The following ZGPAT variants were observed in gnomAD, a reference collection of about 807,000 sequenced individuals.
ZGPAT encodes zinc finger CCCH-type with G patch domain-containing protein.
In ZGPAT, 39 loss-of-function variants were observed where a neutral mutation model predicts 47.9. That is an observed-to-expected ratio of 0.81 (90% CI 0.63 to 1.06). The LOEUF (loss-of-function observed/expected upper bound fraction) is 1.06, where lower values mean the gene tolerates loss of function less well. ZGPAT is among the 50% of genes least tolerant of loss of function. The pLI, the probability that ZGPAT is intolerant of heterozygous loss-of-function variation, is 0.00. For missense variants in ZGPAT, 717 were observed against 681.4 expected (o/e 1.05, Z -0.58); for synonymous variants, 348 against 292.9 (o/e 1.19, Z -1.92).
chr20:63,735,621 G>T, intron 6 of ZGPAT, 57 bp downstream of exon 6: 3 of 1,496,868 alleles, frequency 2.0e-6, no homozygotes, highest in Non-Finnish European at 2.7e-6. Context: ...CTGCCCCCGG[G>T]ATACATGCTG....
rs1173734420 is a variant in ZGPAT at position 63,717,332 on chromosome 20, C to CTTTTTTTTTTTTTTTTTTT, written c.584+8175_584+8193dup. ...TGATTTGAGATCTCTTTTTTCTTTT[C>CTTTTTTTTTTTTTTTTTTT]TTTTTTTTTTTTTTTTTTTTTTTTT... On this transcript the variant is annotated intron_variant, in intron 2 of 6. Transcript: ENST00000355969. 1.8e-4 allele frequency among the ~76,000 whole-genome samples: 11 copies of CTTTTTTTTTTTTTTTTTTT among 60,974 alleles called. 1 individual carries two copies. Among genetic ancestry groups the CTTTTTTTTTTTTTTTTTTT allele is most frequent in the African/African-American group, 4.1e-4 (6 of 14,696 alleles). The allele number at this position is 60,974 out of a possible 152,430, so 40.0% of individuals were successfully genotyped here.
At position 63,730,964 on chromosome 20, in the gene ZGPAT, CTCTCTCTG is replaced by C. The variant is rs1217625438; in HGVS notation, c.585-2253_585-2246del. On this transcript the variant is annotated intron_variant, in intron 2 of 6. Coordinates refer to ENST00000355969, the MANE Select transcript of ZGPAT (RefSeq NM_181485.3). ...TCTCTCTCTCTCTCTCTCTCTCTCT[CTCTCTCTG>C]TGTGTGTGTGTGTGTGTGTCTCGGT... Among the ~76,000 whole-genome samples, 8 of 87,638 alleles carry C rather than the reference CTCTCTCTG, an allele frequency of 9.1e-5. No homozygotes were observed. The East Asian group carries it at 9.3e-4, about 10-fold the overall frequency. 57.5% of individuals were successfully genotyped at this position (87,638 alleles called of 152,430 possible). A position where few individuals can be genotyped will look rare whatever the true frequency, so the allele number is the denominator to read the frequency against.
rs950655590 is a variant in ZGPAT, at chr20:63,715,196, C to T, written c.584+6032C>T. On this transcript the variant is annotated intron_variant, in intron 2 of 6. Coordinates refer to ENST00000355969, the MANE Select transcript of ZGPAT (RefSeq NM_181485.3). ...ATCCTCCTGCCTCAGCCTCCGAAAG[C>T]GCTGGGATTATAGGCATGAGCCACT... is the stretch of plus-strand genomic sequence containing the variant. Among the ~76,000 whole-genome samples the T allele has an allele frequency of 1.1e-4, 16 of 151,160 alleles. No individual in the cohort carries two copies. In the East Asian group the frequency reaches 1.2e-3, roughly 11 times the overall value.
At chr20:63,735,736 T>G (rs1601355954) in intron 6 of ZGPAT, 45 bp from the exon 7 acceptor site, 1 of 1,559,642 alleles carries the variant, frequency 6.4e-7, no homozygotes, top group Non-Finnish European at 8.7e-7. Context: ...CTGGGGTTGG[T>G]GGCATGGCCC....
At position 63,709,292 on chromosome 20, in the gene ZGPAT, C is replaced by T. The variant is rs914813086; in HGVS notation, c.584+128C>T. ...GCTTCCTGGGGCAGGCGTGCTTTGACAGCTGTGTCTGTGTTCAGGCGTCTA... is the reference window on the plus strand; with the variant it reads ...GCTTCCTGGGGCAGGCGTGCTTTGATAGCTGTGTCTGTGTTCAGGCGTCTA... On this transcript the variant is annotated intron_variant, in intron 2 of 6. Coordinates refer to ENST00000355969, the MANE Select transcript of ZGPAT (RefSeq NM_181485.3). 29 of 1,011,720 alleles carry T rather than the reference C, an allele frequency of 2.9e-5. No homozygotes were observed. In the African/African-American group the frequency reaches 3.8e-4, roughly 13 times the overall value. The allele number at this position is 1,011,720 out of a possible 1,614,324, so 62.7% of individuals were successfully genotyped here.
chr20:63,719,248 A>G (rs2091763589), intron 2 of ZGPAT, among the ~76,000 whole-genome samples: 1 of 151,886 alleles, frequency 6.6e-6, no homozygotes, highest in African/African-American at 2.4e-5. Flanking sequence ...TGGATCCCTC[A>G]ATTTATAAGC....
chr20:63,710,733 TAAA>T (rs1438431726), intron 2 of ZGPAT, among the ~76,000 whole-genome samples: 2 of 152,190 alleles, frequency 1.3e-5, no homozygotes, highest in East Asian at 3.8e-4. Flanking sequence ...GGAAATTACT[TAAA>T]AAGTAACTTT....
At chr20:63,728,528 G>A (rs1158820580) in intron 2 of ZGPAT, among the ~76,000 whole-genome samples, 1 of 152,124 alleles carries the variant, frequency 6.6e-6, no homozygotes, top group Non-Finnish European at 1.5e-5. Flanking sequence ...ACTTCACCCT[G>A]GCCTCTCTTG....
At chr20:63,730,970 C>CTCTCTGTG (rs1237935541) in intron 2 of ZGPAT, among the ~76,000 whole-genome samples, 4 of 115,164 alleles carry the variant, frequency 3.5e-5, no homozygotes, top group Non-Finnish European at 6.9e-5. Flanking sequence ...CTCTCTCTCT[C>CTCTCTGTG]TGTGTGTGTG....
intron 2 of ZGPAT, among the ~76,000 whole-genome samples, chr20:63,711,086 G>A (rs1285054051): frequency 5.3e-5 from 8 of 150,418 alleles, no homozygotes; most frequent in Non-Finnish European, 8.8e-5. Flanking sequence ...CTGGAGTGCA[G>A]TGGCACAATC....
At chr20:63,718,959 G>A (rs1199268352) in intron 2 of ZGPAT, among the ~76,000 whole-genome samples, 3 of 151,952 alleles carry the variant, frequency 2.0e-5, no homozygotes, top group Non-Finnish European at 2.9e-5. Context: ...CCAGCTACTC[G>A]GGAAGCTGAA....
At position 63,733,449 on chromosome 20, in the gene ZGPAT, C is replaced by G. The variant is rs899856202; in HGVS notation, c.718+97C>G. On this transcript the variant is annotated intron_variant, in intron 3 of 6. Transcript: ENST00000355969. ...TCCCTGCTTCCTTTGGGTTGAGTGT[C>G]GGGACTCTGGCTCTGGGCCCGAAAT... is the stretch of plus-strand genomic sequence containing the variant. 8.8e-6 allele frequency: 14 copies of G among 1,594,942 alleles called. No individual in the cohort carries two copies. The East Asian group carries it at 2.5e-4, about 28-fold the overall frequency.
chr20:63,708,809 G>T lies in ZGPAT; in HGVS notation c.229G>T (p.Ala77Ser). The part of the protein sequence containing the change: ...DEERPGRQED[A>S]EYQAFREAIT... Reference sequence around the variant, plus strand: ...AGAGCGCCCGGGCCGCCAGGAAGATGCTGAGTACCAGGCTTTCCGGGAGGC... The same window carrying T: ...AGAGCGCCCGGGCCGCCAGGAAGATTCTGAGTACCAGGCTTTCCGGGAGGC... The change falls in exon 2 of 7, where the codon GCT becomes TCT. Residue 77 changes from alanine to serine, a missense_variant. Transcript: ENST00000355969. 6.2e-7 allele frequency: 1 copy of T among 1,605,840 alleles called. No homozygotes were observed. The highest frequency in any genetic ancestry group is 8.5e-7 in the Non-Finnish European group (1 of 1,174,600).
At chr20:63,713,122 A>G (rs1324992863) in intron 2 of ZGPAT, among the ~76,000 whole-genome samples, 1 of 151,124 alleles carries the variant, frequency 6.6e-6, no homozygotes, top group African/African-American at 2.4e-5. Flanking sequence ...CCCAGGCTGG[A>G]GTGCAATGGC....
At chr20:63,735,601 C>T in intron 6 of ZGPAT, 37 bp downstream of exon 6, 4 of 1,507,256 alleles carry the variant, frequency 2.7e-6, no homozygotes, top group Non-Finnish European at 3.5e-6. Context: ...AAGGGCGACC[C>T]AGGGTGGCCC....
In ZGPAT at chr20:63,710,343, G is replaced by A. The variant is rs867904010; in HGVS notation, c.584+1179G>A. On this transcript the variant is annotated intron_variant, in intron 2 of 6. Transcript: ENST00000355969. ...AATTTTTTGTATTTTTAGTAGAGTC[G>A]GAGATTCACCATCTTGGCCAGGCTG... Among the ~76,000 whole-genome samples the A allele has an allele frequency of 8.0e-5, 12 of 150,480 alleles. No homozygotes were observed. In the Middle Eastern group the frequency reaches 0.021, roughly 258 times the overall value.
At chr20:63,728,593 C>G (rs2091867032) in intron 2 of ZGPAT, among the ~76,000 whole-genome samples, 1 of 152,232 alleles carries the variant, frequency 6.6e-6, no homozygotes, top group Non-Finnish European at 1.5e-5. Context: ...CCTGGGAGAG[C>G]TGAGCCCTTC....
rs2091961448 is a variant in ZGPAT at position 63,734,832 on chromosome 20, C to T, written c.991+8C>T. ...GCTATGAGTTTGGCAAGGGTGAGTACAAGCTGCCCTGGAGAAGTGGGCAGG... is the reference window on the plus strand; with the variant it reads ...GCTATGAGTTTGGCAAGGGTGAGTATAAGCTGCCCTGGAGAAGTGGGCAGG... On this transcript the variant is annotated splice_region_variant and intron_variant, in intron 5 of 6. Transcript: ENST00000355969. 3 of 1,575,516 alleles carry T rather than the reference C, an allele frequency of 1.9e-6. No homozygotes were observed. The highest frequency in any genetic ancestry group is 4.5e-5 in the East Asian group (2 of 44,312).
At position 63,734,458 on chromosome 20, in the gene ZGPAT, C is replaced by T. The variant is rs111770147; in HGVS notation, c.872-247C>T. The stretch of plus-strand genomic sequence containing the variant: ...GAGGAGGGGCCACGGTGCAGCAGGC[C>T]GTGGGGACTGCCATGCACTCTGCCT... On this transcript the variant is annotated intron_variant, in intron 4 of 6. Coordinates refer to ENST00000355969, the MANE Select transcript of ZGPAT (RefSeq NM_181485.3). The T allele has an allele frequency of 3.5e-3, 2,300 of 657,508 alleles. 33 individuals are homozygous for T. Among genetic ancestry groups the T allele is most frequent in the African/African-American group, 6.4e-3 (351 of 54,758 alleles). The allele number at this position is 657,508 out of a possible 1,614,324, so 40.7% of individuals were successfully genotyped here.
Sources: allele counts gnomAD v4.1 joint callset (sites outside exome capture counted in the v4.1 genomes callset), GRCh38; gene constraint gnomAD v4.1.1; transcripts MANE v1.5; gene names NCBI Gene and HGNC (gene_info 2026-07-23, HGNC 2026-07-21).